Variants in TLK2 observed in about 807,000 individuals in gnomAD.
TLK2 encodes the protein tousled like kinase 2, also known as serine/threonine-protein kinase tousled-like 2.
TLK2 carries 6 observed loss-of-function variants against 117.3 expected under a neutral mutation model. That is an observed-to-expected ratio of 0.05 (90% CI 0.03 to 0.10). The LOEUF (loss-of-function observed/expected upper bound fraction) is 0.10. Ranked by LOEUF, TLK2 falls within the 10% of genes least tolerant of loss-of-function variation. The pLI, the probability that TLK2 is intolerant of heterozygous loss-of-function variation, is 1.00. For synonymous variants in TLK2, 257 were observed against 316.7 expected (o/e 0.81, Z 2.00); for missense variants, 299 against 901.2 (o/e 0.33, Z 8.56).
At chr17:62,554,776 C>T (rs1387283605) in intron 9 of TLK2, among the ~76,000 whole-genome samples, 5 of 151,082 alleles carry the variant, frequency 3.3e-5, no homozygotes, top group South Asian at 2.1e-4. Flanking sequence ...CTACTGGGAG[C>T]GTGAGGTGGG....
At chr17:62,576,963 C>CTTTTTTTT (rs1395900900) in intron 13 of TLK2, among the ~76,000 whole-genome samples, 188 bp downstream of exon 13, 1 of 70,560 alleles carries the variant, frequency 1.4e-5, no homozygotes, top group Admixed American at 1.3e-4. Context: ...TTTCTTTCTT[C>CTTTTTTTT]TTCTTTTTTT....
intron 16 of TLK2, among the ~76,000 whole-genome samples, chr17:62,587,837 G>GT (rs1387742176): frequency 6.6e-6 from 1 of 152,142 alleles, no homozygotes; most frequent in East Asian, 1.9e-4. Flanking sequence ...GTTCTGACCA[G>GT]TTATAAGTGA....
At chr17:62,500,051 G>A (rs1336626962) in intron 2 of TLK2, among the ~76,000 whole-genome samples, 3 of 151,912 alleles carry the variant, frequency 2.0e-5, no homozygotes, top group African/African-American at 4.8e-5. Context: ...GAATTTCCTA[G>A]ATCGAGTCTT....
chr17:62,471,565 C>A (rs2070939781), intron 1 of TLK2, among the ~76,000 whole-genome samples: 1 of 152,182 alleles, frequency 6.6e-6, no homozygotes, highest in Non-Finnish European at 1.5e-5. Context: ...TCTCATTCAT[C>A]TGGCCAACCT....
intron 16 of TLK2, among the ~76,000 whole-genome samples, chr17:62,593,691 G>A (rs192708543): frequency 1.3e-4 from 19 of 150,840 alleles, no homozygotes; most frequent in Admixed American, 1.2e-3. Context: ...TCACCCCCAT[G>A]ATAACAATGC....
chr17:62,567,840 G>A (rs2079924156), intron 11 of TLK2, among the ~76,000 whole-genome samples: 1 of 151,880 alleles, frequency 6.6e-6, no homozygotes, highest in Non-Finnish European at 1.5e-5. Context: ...TTTGTTCACT[G>A]GTTCTTTTTT....
At chr17:62,602,777 C>G (rs1598879396) in intron 19 of TLK2, among the ~76,000 whole-genome samples, 2 of 152,322 alleles carry the variant, frequency 1.3e-5, no homozygotes, top group East Asian at 3.9e-4. Context: ...CACCCGCACC[C>G]AAGCTACCTC....
At chr17:62,501,706 T>A (rs1055976664) in intron 2 of TLK2, among the ~76,000 whole-genome samples, 1 of 152,122 alleles carries the variant, frequency 6.6e-6, no homozygotes, top group Non-Finnish European at 1.5e-5. Context: ...ATGGCTCTAG[T>A]CCCAGCACTT....
chr17:62,533,886 AG>A (rs543958553), intron 6 of TLK2, among the ~76,000 whole-genome samples: 208 of 152,332 alleles, frequency 1.4e-3, no homozygotes, highest in African/African-American at 4.8e-3. Flanking sequence ...GATAAAAGGT[AG>A]GAATCTTCTT....
intron 7 of TLK2, among the ~76,000 whole-genome samples, chr17:62,543,553 C>T (rs1416367406): frequency 6.6e-6 from 1 of 152,170 alleles, no homozygotes; most frequent in Non-Finnish European, 1.5e-5. Context: ...AGTGGCATCT[C>T]ATTGTGGTTT....
intron 15 of TLK2, among the ~76,000 whole-genome samples, chr17:62,584,078 G>A (rs979669395): frequency 1.3e-5 from 2 of 149,274 alleles, no homozygotes; most frequent in South Asian, 4.3e-4. Context: ...TTATAAATTG[G>A]GTGGTATTTA....
chr17:62,610,274 C>G (rs2083642214), intron 21 of TLK2, among the ~76,000 whole-genome samples: 1 of 152,202 alleles, frequency 6.6e-6, no homozygotes, highest in Admixed American at 6.5e-5. Flanking sequence ...CCTGTTTCTC[C>G]TAATCCTACC....
rs771534125 is a variant in TLK2 at position 62,522,209 on chromosome 17, C to G, written c.159C>G (p.Pro53=). 6.2e-7 allele frequency: 1 copy of G among 1,612,538 alleles called. No homozygotes were observed. Among genetic ancestry groups the G allele is most frequent in the Admixed American group, 1.7e-5 (1 of 59,806 alleles). The change falls in exon 4 of 22, where the codon CCC becomes CCG. Residue 53 remains proline, a synonymous_variant. Coordinates refer to ENST00000346027, the MANE Select transcript of TLK2 (RefSeq NM_006852.6). ...GSLSDKEVET[P]EKKQNDQRNR... ...ACTTATATGGTATTTGACAGACTCC[C>G]GAGAAAAAGCAGAATGACCAGCGAA...
chr17:62,595,528 C>T (rs2082411714), intron 16 of TLK2, among the ~76,000 whole-genome samples: 1 of 151,646 alleles, frequency 6.6e-6, no homozygotes, highest in South Asian at 2.1e-4. Context: ...TGCTGGGTTA[C>T]CAGGTGATAG....
At chr17:62,500,886 A>G (rs927035925) in intron 2 of TLK2, among the ~76,000 whole-genome samples, 1 of 152,246 alleles carries the variant, frequency 6.6e-6, no homozygotes, top group African/African-American at 2.4e-5. Flanking sequence ...GGAAATTAGA[A>G]AATATTCATA....
At chr17:62,611,049 G>T (rs1315193324) in intron 21 of TLK2, among the ~76,000 whole-genome samples, 1 of 152,090 alleles carries the variant, frequency 6.6e-6, no homozygotes, top group Admixed American at 6.6e-5. Flanking sequence ...TGAGGTAGAG[G>T]ATCACTTGAG....
chr17:62,568,086 A>G (rs1421750253), intron 11 of TLK2, among the ~76,000 whole-genome samples: 1 of 152,198 alleles, frequency 6.6e-6, no homozygotes, highest in Non-Finnish European at 1.5e-5. Flanking sequence ...ATGGCAAGGC[A>G]ATAAAAATTC....
In TLK2 at chr17:62,479,081, G is replaced by C. The variant is rs1163724664; in HGVS notation, c.-215G>C. The C allele has an allele frequency of 6.7e-6, 1 of 150,216 alleles. No individual in the cohort carries two copies. Among genetic ancestry groups the C allele is most frequent in the Non-Finnish European group, 1.5e-5 (1 of 67,314 alleles). 9.3% of individuals were successfully genotyped at this position (150,216 alleles called of 1,614,324 possible). ...GCCTGGCTCTGTACGCGAGCCCGGG[G>C]ATCTGCGGCCTTCGTGCCCCCCCTC... On this transcript the variant is annotated 5_prime_UTR_variant, in exon 1 of 22. Coordinates refer to ENST00000346027, the MANE Select transcript of TLK2 (RefSeq NM_006852.6).
intron 2 of TLK2, among the ~76,000 whole-genome samples, chr17:62,517,091 A>C (rs1390204577): frequency 6.6e-6 from 1 of 151,876 alleles, no homozygotes; most frequent in Non-Finnish European, 1.5e-5. Flanking sequence ...TTTTTAGTAG[A>C]GGTTGGGTTC....
Sources: allele counts gnomAD v4.1 joint callset (sites outside exome capture counted in the v4.1 genomes callset), GRCh38; gene constraint gnomAD v4.1.1; transcripts MANE v1.5; gene names NCBI Gene and HGNC (gene_info 2026-07-23, HGNC 2026-07-21).